GRB10: variants seen among roughly 807,000 people sequenced by gnomAD.
GRB10 encodes the protein growth factor receptor-bound protein 10.
Under a neutral mutation model 80.9 loss-of-function variants are expected in GRB10, and 20 were observed. The observed-to-expected ratio is 0.25, with a 90% CI of 0.17 to 0.36. The LOEUF is 0.36. Ranked by LOEUF, GRB10 falls within the 10% of genes least tolerant of loss-of-function variation. The pLI is 1.00. For missense variants in GRB10, 548 were observed against 747.7 expected (o/e 0.73, Z 3.12); for synonymous variants, 291 against 291.5 (o/e 1.00, Z 0.02).
At chr7:50,744,272 GA>G (rs1179726159) in intron 3 of GRB10, among the ~76,000 whole-genome samples, 1 of 152,214 alleles carries the variant, frequency 6.6e-6, no homozygotes, top group East Asian at 1.9e-4. Context: ...TGGAGTCAAA[GA>G]AAAGGACGGC....
chr7:50,602,504 A>G (rs2047780945), intron 17 of GRB10, among the ~76,000 whole-genome samples: 1 of 152,252 alleles, frequency 6.6e-6, no homozygotes, highest in Non-Finnish European at 1.5e-5. Flanking sequence ...AGGGAGACAG[A>G]GGAACTTATT....
At chr7:50,612,698 C>T (rs28682576) in intron 13 of GRB10, 43 bp downstream of exon 13, 26,671 of 1,374,154 alleles carry the variant, frequency 0.019, 985 homozygotes, top group African/African-American at 0.15. Flanking sequence ...CAATTTTCCA[C>T]GAAGAGATGT....
chr7:50,619,583 C>G (rs1220031047), intron 8 of GRB10, among the ~76,000 whole-genome samples: 1 of 152,000 alleles, frequency 6.6e-6, no homozygotes, highest in Non-Finnish European at 1.5e-5. Context: ...ATGATTTTGC[C>G]CTTAAATTGA....
intron 8 of GRB10, among the ~76,000 whole-genome samples, chr7:50,623,078 C>T (rs549710341): frequency 1.3e-5 from 2 of 152,348 alleles, no homozygotes; most frequent in African/African-American, 4.8e-5. Context: ...AGACTTGCAG[C>T]TCACCATGCT....
At chr7:50,605,556 C>A in intron 14 of GRB10, 150 bp from the exon 15 acceptor site, 1 of 748,652 alleles carries the variant, frequency 1.3e-6, no homozygotes, top group Non-Finnish European at 2.4e-6. Flanking sequence ...GTGGGAAATT[C>A]ACCGGTTCAG....
intron 4 of GRB10, among the ~76,000 whole-genome samples, chr7:50,717,450 A>AGTGTGTGTGT (rs10559456): frequency 6.6e-6 from 1 of 151,596 alleles, no homozygotes; most frequent in Admixed American, 6.6e-5. Context: ...AAGCTTGAAG[A>AGTGTGTGTGT]GTGTGTGTGT....
chr7:50,791,141 T>C (rs1251730327), intron 1 of GRB10, among the ~76,000 whole-genome samples: 2 of 152,192 alleles, frequency 1.3e-5, no homozygotes, highest in Admixed American at 1.3e-4. Flanking sequence ...ACAGATAATA[T>C]GCAATAGATG....
intron 2 of GRB10, among the ~76,000 whole-genome samples, chr7:50,778,193 A>G (rs901558136): frequency 6.6e-6 from 1 of 152,226 alleles, no homozygotes; most frequent in Non-Finnish European, 1.5e-5. Flanking sequence ...AAAGTGTCAT[A>G]ATACATTGTG....
chr7:50,614,743 C>A (rs766060133), intron 12 of GRB10, 27 bp downstream of exon 12: 1 of 1,444,632 alleles, frequency 6.9e-7, no homozygotes. Context: ...TGAGCATGCG[C>A]GCCGTCTGTG....
Position 50,771,938 on chromosome 7 carries a change from G to C in GRB10, c.-217+8689C>G, listed in dbSNP as rs187536591. ...CATGAGTCAGGATATTACAAAGGTAGAAAGTTCTTACCTGTAGGAAGCCAA... is the reference window on the plus strand; with the variant it reads ...CATGAGTCAGGATATTACAAAGGTACAAAGTTCTTACCTGTAGGAAGCCAA... On this transcript the variant is annotated intron_variant, in intron 2 of 18. Transcript: ENST00000401949. 2.0e-5 allele frequency among the ~76,000 whole-genome samples: 3 copies of C among 152,358 alleles called. No homozygotes were observed. The East Asian group carries it at 5.8e-4, about 29-fold the overall frequency.
chr7:50,753,410 G>A (rs2074492592), intron 3 of GRB10, among the ~76,000 whole-genome samples: 1 of 152,220 alleles, frequency 6.6e-6, no homozygotes, highest in Non-Finnish European at 1.5e-5. Flanking sequence ...ACAGTGCCAG[G>A]TACCAAATGG....
At chr7:50,642,837 CTAAA>C (rs1247769550) in intron 7 of GRB10, among the ~76,000 whole-genome samples, 2 of 152,140 alleles carry the variant, frequency 1.3e-5, no homozygotes, top group South Asian at 2.1e-4. Flanking sequence ...AATTTGGAAA[CTAAA>C]TAAGGAACAA....
At chr7:50,664,064 A>T (rs1421182597) in intron 7 of GRB10, among the ~76,000 whole-genome samples, 1 of 152,198 alleles carries the variant, frequency 6.6e-6, no homozygotes, top group African/African-American at 2.4e-5. Flanking sequence ...TGCTCGGCTG[A>T]TGGGCGGTGG....
intron 2 of GRB10, among the ~76,000 whole-genome samples, chr7:50,773,889 G>A (rs558023203): frequency 2.0e-5 from 3 of 152,132 alleles, no homozygotes; most frequent in South Asian, 2.1e-4. Context: ...ACGAAGTCTC[G>A]CTCTATCACC....
chr7:50,605,296 G>A lies in GRB10; in HGVS notation c.1383C>T (p.Ala461=), dbSNP rs374975927. 6.2e-7 allele frequency: 1 copy of A among 1,612,606 alleles called. No individual in the cohort carries two copies. Among genetic ancestry groups the A allele is most frequent in the Admixed American group, 1.7e-5 (1 of 60,030 alleles). ...AQSAALEEGH[A]WRKRSTRMNI... ...GCCAGGGCCGGGGCCTTACCCTCCAGGCGTGGCCCTCCTCCAGGGCTGCGC... is the reference window on the plus strand; with the variant it reads ...GCCAGGGCCGGGGCCTTACCCTCCAAGCGTGGCCCTCCTCCAGGGCTGCGC... The change falls in exon 15 of 19, where the codon GCC becomes GCT. Residue 461 remains alanine, a synonymous_variant. Transcript: ENST00000401949.
chr7:50,619,830 C>T (rs1478232657), intron 8 of GRB10, among the ~76,000 whole-genome samples: 5 of 152,286 alleles, frequency 3.3e-5, no homozygotes, highest in South Asian at 2.1e-4. Flanking sequence ...CACTGAAGCC[C>T]GCACGCACAT....
intron 7 of GRB10, among the ~76,000 whole-genome samples, chr7:50,640,032 A>AC: frequency 6.6e-6 from 1 of 152,164 alleles, no homozygotes; most frequent in Non-Finnish European, 1.5e-5. Flanking sequence ...CTGGGCTGTG[A>AC]CCCCCAGTAC....
At chr7:50,679,523 T>C (rs1449409265) in intron 5 of GRB10, among the ~76,000 whole-genome samples, 5 of 152,192 alleles carry the variant, frequency 3.3e-5, no homozygotes, top group Non-Finnish European at 5.9e-5. Context: ...TTTGGCAACA[T>C]AAGGACATGT....
intron 3 of GRB10, chr7:50,747,461 A>G (rs191578127): frequency 6.6e-6 from 1 of 152,294 alleles, no homozygotes; most frequent in Admixed American, 6.5e-5. Flanking sequence ...TCTCAAGAGG[A>G]AAAGTGGGGT....
Sources: gnomAD v4.1 joint callset for allele counts (sites outside exome capture counted in the v4.1 genomes callset) on GRCh38, gnomAD v4.1.1 for gene constraint, MANE v1.5 for transcripts, NCBI Gene and HGNC (gene_info 2026-07-23, HGNC 2026-07-21) for gene names.